ABHD2: variants seen among roughly 807,000 people sequenced by gnomAD.
ABHD2 encodes the protein abhydrolase domain containing 2, acylglycerol lipase, also known as monoacylglycerol lipase ABHD2.
In ABHD2, 20 loss-of-function variants were observed where a neutral mutation model predicts 48.1. The ratio of observed to expected loss-of-function variants is 0.42; its 90% CI spans 0.29 to 0.60. ABHD2 has a LOEUF of 0.60. ABHD2 is among the 20% of genes least tolerant of loss of function. The probability of loss-of-function intolerance (pLI) is 0.24; values close to 1 mark genes in which losing one functional copy is unlikely to be tolerated. For missense variants in ABHD2, 405 were observed against 550.9 expected (o/e 0.74, Z 2.65); for synonymous variants, 209 against 214.2 (o/e 0.98, Z 0.21).
chr15:89,120,879 T>C lies in ABHD2; in HGVS notation c.194+4358T>C, dbSNP rs2050039230. 6.6e-6 allele frequency: 1 copy of C among 152,198 alleles called. No individual in the cohort carries two copies. Among genetic ancestry groups the C allele is most frequent in the Non-Finnish European group, 1.5e-5 (1 of 68,032 alleles). The allele number at this position is 152,198 out of a possible 1,614,324, so 9.4% of individuals were successfully genotyped here. A position where few individuals can be genotyped will look rare whatever the true frequency, so the allele number is the denominator to read the frequency against. ...AAATTATAATTCTACCCAGAGATAA[T>C]GCACTATTAATATGTGGGCAATCAT... On this transcript the variant is annotated intron_variant, in intron 3 of 10. Coordinates refer to ENST00000352732, the MANE Select transcript of ABHD2 (RefSeq NM_152924.5). This position sits in a 1 kb window ranked among gnomAD's most constrained non-coding sequence, Gnocchi z 4.2.
chr15:89,043,621 G>T, the ABHD2 span, among the ~76,000 whole-genome samples: 22 of 139,102 alleles, frequency 1.6e-4, no homozygotes, highest in Non-Finnish European at 2.7e-4. Flanking sequence ...AGACGAGGAG[G>T]CGGAAGGAGG....
chr15:89,043,484 AAGGGGG>A, the ABHD2 span, among the ~76,000 whole-genome samples: 3 of 137,402 alleles, frequency 2.2e-5, no homozygotes, highest in Non-Finnish European at 4.7e-5. Flanking sequence ...GGAGAGGAAG[AAGGGGG>A]AGGGGGAGGA....
the ABHD2 span, among the ~76,000 whole-genome samples, chr15:89,078,058 A>G: frequency 3.3e-5 from 5 of 152,144 alleles, 1 homozygote; most frequent in South Asian, 4.1e-4. Flanking sequence ...TCTCTCCCAT[A>G]TTAGAACCAC....
intron 3 of ABHD2, among the ~76,000 whole-genome samples, chr15:89,133,444 T>C (rs532835011): frequency 1.3e-5 from 2 of 152,246 alleles, no homozygotes; most frequent in South Asian, 4.1e-4. Flanking sequence ...CATGGAAAAT[T>C]TTGCTAGCTG....
the ABHD2 span, among the ~76,000 whole-genome samples, chr15:89,041,558 G>C: frequency 6.6e-6 from 1 of 152,246 alleles, no homozygotes; most frequent in Non-Finnish European, 1.5e-5. Flanking sequence ...GACTGTCCTA[G>C]TGTGAATCCG....
rs1453719425 is a variant in ABHD2 at position 89,102,671 on chromosome 15, G to A, written c.-106-11054G>A. On this transcript the variant is annotated intron_variant, in intron 1 of 10. Transcript: ENST00000352732. The surrounding 1 kb of genome is among the most constrained non-coding windows in gnomAD (Gnocchi z 4.8). ...TTGATGGCCAGTTCCTTGCCTCCCA[G>A]GAAACTGATGAGGAGGCAAGACGAA... 1 of 152,230 alleles carries A rather than the reference G, an allele frequency of 6.6e-6. No homozygotes were observed. Among genetic ancestry groups the A allele is most frequent in the African/African-American group, 2.4e-5 (1 of 41,450 alleles). The allele number at this position is 152,230 out of a possible 1,614,324, so 9.4% of individuals were successfully genotyped here.
intron 5 of ABHD2, among the ~76,000 whole-genome samples, chr15:89,158,916 G>A (rs932551036): frequency 5.9e-5 from 9 of 151,556 alleles, no homozygotes; most frequent in East Asian, 3.9e-4. Context: ...CACCCACTTC[G>A]CCCTCCCAAA....
the ABHD2 span, among the ~76,000 whole-genome samples, chr15:89,076,590 C>T: frequency 1.3e-5 from 2 of 152,112 alleles, no homozygotes; most frequent in East Asian, 3.9e-4. Context: ...CTCAGGTGAT[C>T]TTCCCACCTC....
chr15:89,182,187 A>C lies in ABHD2; in HGVS notation c.723-3237A>C, dbSNP rs2051125342. ...GTTTGGGGGTTAATTTTCTCTTCTC[A>C]TTTGTGATTATCACTTCTTGAGAGT... On this transcript the variant is annotated intron_variant, in intron 6 of 10. Transcript: ENST00000352732. This position sits in a 1 kb window ranked among gnomAD's most constrained non-coding sequence, Gnocchi z 4.8. Among the ~76,000 whole-genome samples the C allele has an allele frequency of 6.6e-6, 1 of 152,168 alleles. No individual in the cohort carries two copies.
intron 5 of ABHD2, among the ~76,000 whole-genome samples, chr15:89,162,069 A>G (rs2050770809): frequency 2.6e-5 from 4 of 152,292 alleles, no homozygotes; most frequent in East Asian, 3.9e-4. Context: ...GCCCACCCTA[A>G]CAACCACATT....
chr15:89,176,081 G>A lies in ABHD2; in HGVS notation c.722+86G>A, dbSNP rs1300393695. The A allele has an allele frequency of 7.2e-7, 1 of 1,386,402 alleles. No individual in the cohort carries two copies. Among genetic ancestry groups the A allele is most frequent in the East Asian group, 2.4e-5 (1 of 42,332 alleles). The allele number at this position is 1,386,402 out of a possible 1,614,324, so 85.9% of individuals were successfully genotyped here. ...GACGCACAACACACTGTTCTGTGAA[G>A]ACCGGGGAACACTGTGGCCGACTGA... On this transcript the variant is annotated intron_variant, in intron 6 of 10. Transcript: ENST00000352732. This position sits in a 1 kb window ranked among gnomAD's most constrained non-coding sequence, Gnocchi z 4.5.
chr15:89,076,917 C>T, the ABHD2 span, among the ~76,000 whole-genome samples: 1 of 152,146 alleles, frequency 6.6e-6, no homozygotes, highest in Admixed American at 6.5e-5. Flanking sequence ...GGAGAAAAGA[C>T]CCTTGTTCTC....
Position 89,116,414 on chromosome 15 carries a change from C to A in ABHD2, c.87C>A (p.Ile29=). The change falls in exon 3 of 11, where the codon ATC becomes ATA. Residue 29 remains isoleucine (I), a synonymous_variant. Coordinates refer to ENST00000352732, the MANE Select transcript of ABHD2 (RefSeq NM_152924.5). The surrounding 1 kb of genome is among the most constrained non-coding windows in gnomAD (Gnocchi z 4.6). The part of the protein sequence containing the change: ...LAAVAAVLYV[I]VRCLNLKSPT... ...CAGTGGCTGCTGTGCTGTACGTGAT[C>A]GTCCGGTGTTTGAACCTGAAGAGCC... 1.2e-6 allele frequency: 2 copies of A among 1,614,198 alleles called. No homozygotes were observed. Among genetic ancestry groups the A allele is most frequent in the Non-Finnish European group, 1.7e-6 (2 of 1,180,038 alleles).
chr15:89,051,141 G>A, the ABHD2 span, among the ~76,000 whole-genome samples: 5 of 152,160 alleles, frequency 3.3e-5, no homozygotes, highest in African/African-American at 4.8e-5. Context: ...GCTGAGGCAG[G>A]AGAATTGCTT....
the ABHD2 span, among the ~76,000 whole-genome samples, chr15:89,058,089 A>G: frequency 2.0e-5 from 3 of 152,136 alleles, no homozygotes; most frequent in Non-Finnish European, 4.4e-5. Flanking sequence ...TAAACCCTTA[A>G]ATGAAGTATG....
the ABHD2 span, among the ~76,000 whole-genome samples, chr15:89,055,727 G>A: frequency 1.3e-5 from 2 of 152,166 alleles, no homozygotes; most frequent in Admixed American, 1.3e-4. Flanking sequence ...ATAATCCATA[G>A]CATATTCTAT....
At chr15:89,181,383 A>C (rs920335348) in intron 6 of ABHD2, among the ~76,000 whole-genome samples, 4 of 152,162 alleles carry the variant, frequency 2.6e-5, no homozygotes, top group African/African-American at 9.7e-5. Flanking sequence ...TGATAGCATT[A>C]TGGGAAAGTA....
At chr15:89,159,532 T>A (rs574967972) in intron 5 of ABHD2, among the ~76,000 whole-genome samples, 1 of 152,222 alleles carries the variant, frequency 6.6e-6, no homozygotes, top group African/African-American at 2.4e-5. Flanking sequence ...TTGAGCTGGG[T>A]TCTCAAAGAT....
intron 3 of ABHD2, among the ~76,000 whole-genome samples, chr15:89,145,640 G>A (rs911342369): frequency 1.3e-5 from 2 of 152,160 alleles, no homozygotes; most frequent in East Asian, 3.9e-4. Context: ...CTTTCTAAGG[G>A]CATACAAATT....
Sources: gnomAD v4.1 joint callset for allele counts (sites outside exome capture counted in the v4.1 genomes callset) on GRCh38, gnomAD v4.1.1 for gene constraint, Gnocchi (gnomAD v3.1) non-coding constraint, MANE v1.5 for transcripts, NCBI Gene and HGNC (gene_info 2026-07-23, HGNC 2026-07-21) for gene names.